The following SNRNP25 variants were observed in gnomAD, a reference collection of about 807,000 sequenced individuals.
SNRNP25 encodes the protein U11/U12 small nuclear ribonucleoprotein 25 kDa protein.
A neutral mutation model predicts 23.9 loss-of-function variants in SNRNP25; 21 were observed. The observed-to-expected ratio is 0.88, with a 90% CI of 0.62 to 1.27. The LOEUF is 1.27. Ranked by LOEUF, SNRNP25 falls within the 50% of genes most tolerant of loss-of-function variation. The pLI, the probability that SNRNP25 is intolerant of heterozygous loss-of-function variation, is 0.00. For synonymous variants in SNRNP25, 63 were observed against 60.4 expected, an observed-to-expected ratio of 1.04 and a Z score of -0.20; for missense variants, 160 against 156.9, an observed-to-expected ratio of 1.02 and a Z score of -0.11.
chr16:57,091 G>A lies in SNRNP25; in HGVS notation c.320G>A (p.Gly107Asp). 1.2e-6 allele frequency: 2 copies of A among 1,614,076 alleles called. No homozygotes were observed. Among genetic ancestry groups the A allele is most frequent in the Non-Finnish European group, 1.7e-6 (2 of 1,180,014 alleles). The change falls in exon 5 of 5, where the codon GGC (glycine) becomes GAC (aspartate). Residue 107 changes from glycine (G) to aspartate (D), a missense_variant. Physicochemically the swap from Gly to Asp is moderately conservative, Grantham distance 94. Transcript: ENST00000293861. Reference sequence around the variant, plus strand: ...TGCCTTTCCTTCTTTTTCAGCTACGGCATCCGGAATCGAGACGAGGTTTCC... The same window carrying A: ...TGCCTTTCCTTCTTTTTCAGCTACGACATCCGGAATCGAGACGAGGTTTCC... ...TEDRKKLRDY[G>D]IRNRDEVSFI...
In SNRNP25 at chr16:55,853, G is replaced by C. The variant is rs770153733; in HGVS notation, c.210G>C (p.Glu70Asp). ...AGAGATACGTGCAGCTCAAGCAGGAGCGTGAAGGGGGCATTCAGCACATCA... is the reference window on the plus strand; with the variant it reads ...AGAGATACGTGCAGCTCAAGCAGGACCGTGAAGGGGGCATTCAGCACATCA... ...AIQRYVQLKQ[E>D]REGGIQHISW... Residue 70 changes from glutamate to aspartate, a missense_variant, in exon 3 of 5, where the codon GAG becomes GAC. Transcript: ENST00000293861. 39 of 1,614,042 alleles carry C rather than the reference G, an allele frequency of 2.4e-5. No homozygotes were observed. The highest frequency in any genetic ancestry group is 3.3e-5 in the Non-Finnish European group (39 of 1,180,030).
rs1175727767 is a variant in SNRNP25, at chr16:55,536, TGGA to T, written c.122_124del (p.Gly41del). The T allele has an allele frequency of 4.3e-6, 7 of 1,614,022 alleles. No homozygotes were observed. The highest frequency in any genetic ancestry group is 5.9e-6 in the Non-Finnish European group (7 of 1,180,040). ...TGACGGTCCGAGTGTGCAAGATGGA[TGGA>T]GAAGTAATGCGTAAGTGCTACCCTC... On this transcript the variant is annotated inframe_deletion, in exon 2 of 5. Transcript: ENST00000293861.
At chr16:56,301 A>T in intron 3 of SNRNP25, 1 of 708,398 alleles carries the variant, frequency 1.4e-6, no homozygotes, top group Non-Finnish European at 2.6e-6. Context: ...GAGTCTCAAC[A>T]CTGTCGCCTG....
At position 56,608 on chromosome 16, in the gene SNRNP25, C is replaced by A. The variant is rs753231766; in HGVS notation, c.309C>A (p.Leu103=). The A allele has an allele frequency of 6.2e-7, 1 of 1,613,932 alleles. No homozygotes were observed. The highest frequency in any genetic ancestry group is 1.7e-5 in the Admixed American group (1 of 60,024). Residue 103 remains leucine (L), a synonymous_variant, in exon 4 of 5, where the codon CTC becomes CTA. Coordinates refer to ENST00000293861, the MANE Select transcript of SNRNP25 (RefSeq NM_024571.4). ...GEKLTEDRKK[L]RDYGIRNRDE... ...AACTCACGGAAGACAGAAAGAAGCT[C>A]CGAGAGTAAGTGCCGGCCACGTCCT...
At chr16:56,750 C>A in intron 4 of SNRNP25, 137 bp downstream of exon 4, 1 of 924,594 alleles carries the variant, frequency 1.1e-6, no homozygotes, top group Non-Finnish European at 1.7e-6. Context: ...GGGCCCTCCC[C>A]ACTAGGAGAA....
intron 3 of SNRNP25, chr16:56,148 T>C (rs1897403633): frequency 1.6e-6 from 1 of 621,886 alleles, no homozygotes; most frequent in Non-Finnish European, 3.0e-6. Flanking sequence ...GTATCTTCAC[T>C]TGGGGACACT....
intron 3 of SNRNP25, 67 bp from the exon 4 acceptor site, chr16:56,472 C>A: frequency 6.7e-7 from 1 of 1,485,468 alleles, no homozygotes; most frequent in Non-Finnish European, 9.4e-7. Flanking sequence ...CTCAAGCCCA[C>A]GTCATGCAGA....
intron 1 of SNRNP25, 38 bp downstream of exon 1, chr16:54,096 C>T (rs1461469873): frequency 3.2e-6 from 5 of 1,573,912 alleles, no homozygotes; most frequent in South Asian, 1.1e-5. Flanking sequence ...GGGAGTCGTT[C>T]CCCGGGGTCC....
At chr16:56,100 C>G (rs1280235453) in intron 3 of SNRNP25, 1 of 620,956 alleles carries the variant, frequency 1.6e-6, no homozygotes, top group Non-Finnish European at 2.9e-6. Context: ...CCCCAACATT[C>G]TGCTCTTCCA....
chr16:57,390 A>T lies in SNRNP25; in HGVS notation c.*247A>T, dbSNP rs1451247097. 8.8e-6 allele frequency: 5 copies of T among 568,914 alleles called. No homozygotes were observed. Among genetic ancestry groups the T allele is most frequent in the Non-Finnish European group, 1.6e-5 (5 of 317,736 alleles). 35.2% of individuals were successfully genotyped at this position (568,914 alleles called of 1,614,324 possible). On this transcript the variant is annotated 3_prime_UTR_variant, in exon 5 of 5. Coordinates refer to ENST00000293861, the MANE Select transcript of SNRNP25 (RefSeq NM_024571.4). Reference sequence around the variant, plus strand: ...CTCCCTAGGTCCAAATGCCCTAGTCACATGGCAGACCCACGGCCTGGCCCA... The same window carrying T: ...CTCCCTAGGTCCAAATGCCCTAGTCTCATGGCAGACCCACGGCCTGGCCCA...
intron 1 of SNRNP25, 36 bp downstream of exon 1, chr16:54,094 T>A (rs1897376849): frequency 1.3e-6 from 2 of 1,574,316 alleles, no homozygotes; most frequent in East Asian, 4.6e-5. Flanking sequence ...GCGGGAGTCG[T>A]TCCCCGGGGT....
chr16:57,250 G>T lies in SNRNP25; in HGVS notation c.*107G>T. 2 of 1,245,692 alleles carry T rather than the reference G, an allele frequency of 1.6e-6. No homozygotes were observed. The highest frequency in any genetic ancestry group is 2.4e-5 in the South Asian group (2 of 82,892). The allele number at this position is 1,245,692 out of a possible 1,614,324, so 77.2% of individuals were successfully genotyped here. A position where few individuals can be genotyped will look rare whatever the true frequency, so the allele number is the denominator to read the frequency against. Reference sequence around the variant, plus strand: ...CTTTCACAGAAAGGACGTTGTGGTGGCCTCACCCCAGGCATGCCCAACAGT... The same window carrying T: ...CTTTCACAGAAAGGACGTTGTGGTGTCCTCACCCCAGGCATGCCCAACAGT... On this transcript the variant is annotated 3_prime_UTR_variant, in exon 5 of 5. Coordinates refer to ENST00000293861, the MANE Select transcript of SNRNP25 (RefSeq NM_024571.4).
intron 4 of SNRNP25, 36 bp from the exon 5 acceptor site, chr16:57,050 T>C (rs759892327): frequency 5.6e-6 from 9 of 1,612,500 alleles, no homozygotes; most frequent in South Asian, 5.5e-5. Context: ...TGTCCTTCTG[T>C]AGGGCAGGTG....
rs188146696 is a variant in SNRNP25, at chr16:53,872, C to T, written c.-145C>T. On this transcript the variant is annotated 5_prime_UTR_variant, in exon 1 of 5. Transcript: ENST00000293861. ...GCTTGGCCTCCCTAGTGCGGGCTGGCAGTGCGGGCAGAGCCCGGCTGAGAG... is the reference window on the plus strand; with the variant it reads ...GCTTGGCCTCCCTAGTGCGGGCTGGTAGTGCGGGCAGAGCCCGGCTGAGAG... The T allele has an allele frequency of 5.3e-3, 7,730 of 1,458,766 alleles. 715 individuals carry two copies. The Admixed American group carries it at 0.15, about 27-fold the overall frequency. 90.4% of individuals were successfully genotyped at this position (1,458,766 alleles called of 1,614,324 possible). A position where few individuals can be genotyped will look rare whatever the true frequency, so the allele number is the denominator to read the frequency against.
intron 1 of SNRNP25, 34 bp downstream of exon 1, chr16:54,092 C>T (rs757326823): frequency 1.9e-6 from 3 of 1,578,776 alleles, no homozygotes; most frequent in Admixed American, 1.8e-5. Flanking sequence ...GCGCGGGAGT[C>T]GTTCCCCGGG....
In SNRNP25 at chr16:57,454, G is replaced by A. The variant is rs982381338; in HGVS notation, c.*311G>A. 1.8e-4 allele frequency: 72 copies of A among 411,378 alleles called. 4 individuals carry two copies. In the South Asian group the frequency reaches 2.5e-3, roughly 15 times the overall value. The allele number at this position is 411,378 out of a possible 1,614,324, so 25.5% of individuals were successfully genotyped here. On this transcript the variant is annotated 3_prime_UTR_variant, in exon 5 of 5. Transcript: ENST00000293861. ...ACCTGTTTGCTTCTTAGTTTGAAAA[G>A]TAGAAAGCCACAGTAACCTGGGTAG... is the stretch of plus-strand genomic sequence containing the variant.
Position 53,933 on chromosome 16 carries a change from C to G in SNRNP25, c.-84C>G. 6.4e-7 allele frequency: 1 copy of G among 1,561,104 alleles called. No individual in the cohort carries two copies. ...GGAGGAGACGGAGGCCGCGGGTGGG[C>G]CCGAGGCGCAAGAGGAAGATGAGGA... On this transcript the variant is annotated 5_prime_UTR_variant, in exon 1 of 5. Coordinates refer to ENST00000293861, the MANE Select transcript of SNRNP25 (RefSeq NM_024571.4).
rs549857195 is a variant in SNRNP25, at chr16:57,324, C to G, written c.*181C>G. On this transcript the variant is annotated 3_prime_UTR_variant, in exon 5 of 5. Coordinates refer to ENST00000293861, the MANE Select transcript of SNRNP25 (RefSeq NM_024571.4). ...CCCTCAGGACTAGGACAGGGTGAGCCAGTGCTCCCTCCTTTCATGTACTTG... is the reference window on the plus strand; with the variant it reads ...CCCTCAGGACTAGGACAGGGTGAGCGAGTGCTCCCTCCTTTCATGTACTTG... The G allele has an allele frequency of 1.2e-5, 8 of 642,168 alleles. No individual in the cohort carries two copies. Among genetic ancestry groups the G allele is most frequent in the Non-Finnish European group, 1.9e-5 (7 of 364,238 alleles). 39.8% of individuals were successfully genotyped at this position (642,168 alleles called of 1,614,324 possible). A position where few individuals can be genotyped will look rare whatever the true frequency, so the allele number is the denominator to read the frequency against.
At chr16:56,702 T>G (rs1897415608) in intron 4 of SNRNP25, 89 bp downstream of exon 4, 2 of 1,400,664 alleles carry the variant, frequency 1.4e-6, no homozygotes, top group African/African-American at 2.8e-5. Flanking sequence ...TGCGGCTCCC[T>G]CTCCGGAGAT....
Sources: gnomAD v4.1 joint callset for allele counts on GRCh38, gnomAD v4.1.1 for gene constraint, MANE v1.5 for transcripts, NCBI Gene and HGNC (gene_info 2026-07-23, HGNC 2026-07-21) for gene names.